The following MAF variants were observed in gnomAD, a reference collection of about 807,000 sequenced individuals.
MAF encodes the protein transcription factor Maf.
In MAF, 10 loss-of-function variants were observed where a neutral mutation model predicts 22.0. The observed-to-expected ratio is 0.45, with a 90% CI of 0.28 to 0.77. The LOEUF (loss-of-function observed/expected upper bound fraction) is 0.77. MAF is among the 30% of genes least tolerant of loss of function. The pLI is 0.12. For synonymous variants in MAF, 337 were observed against 255.8 expected, an observed-to-expected ratio of 1.32 and a Z score of -3.03; for missense variants, 544 against 548.4, an observed-to-expected ratio of 0.99 and a Z score of 0.08.
chr16:79,532,020 T>C, the MAF span, among the ~76,000 whole-genome samples: 1 of 152,204 alleles, frequency 6.6e-6, no homozygotes, highest in Non-Finnish European at 1.5e-5. Flanking sequence ...GAATACCCAG[T>C]CCAGTTTGAA....
chr16:79,340,680 C>T, the MAF span, among the ~76,000 whole-genome samples: 6 of 151,848 alleles, frequency 4.0e-5, no homozygotes, highest in East Asian at 2.0e-4. Context: ...AGGGAGACAT[C>T]GAGTATCTTG....
the MAF span, among the ~76,000 whole-genome samples, chr16:79,311,512 A>C: frequency 1.1e-4 from 16 of 149,386 alleles, no homozygotes; most frequent in Non-Finnish European, 2.2e-4. Context: ...AAAAAAAAAA[A>C]AAACATTATG....
At chr16:79,448,239 C>A in the MAF span, among the ~76,000 whole-genome samples, 4 of 152,084 alleles carry the variant, frequency 2.6e-5, no homozygotes, top group Non-Finnish European at 5.9e-5. Context: ...TCATTGTCGT[C>A]CTATTGTAAG....
the MAF span, among the ~76,000 whole-genome samples, chr16:79,566,667 C>G: frequency 6.6e-6 from 1 of 152,206 alleles, no homozygotes; most frequent in African/African-American, 2.4e-5. Flanking sequence ...CCCCCATCCC[C>G]CAGCCTGAGT....
At chr16:79,474,268 G>T in the MAF span, among the ~76,000 whole-genome samples, 1 of 152,132 alleles carries the variant, frequency 6.6e-6, no homozygotes, top group Non-Finnish European at 1.5e-5. Flanking sequence ...TTTTGTATTC[G>T]CCTCTTTGGG....
the MAF span, among the ~76,000 whole-genome samples, chr16:79,213,398 T>TGAAA: frequency 1.1e-4 from 16 of 152,214 alleles, no homozygotes; most frequent in Admixed American, 3.3e-4. Context: ...ACAGGACCTT[T>TGAAA]GAAACTATGA....
the MAF span, among the ~76,000 whole-genome samples, chr16:79,530,567 A>G: frequency 3.3e-5 from 5 of 152,232 alleles, no homozygotes; most frequent in Non-Finnish European, 5.9e-5. Flanking sequence ...AGGCATTTAC[A>G]TAAATAGGAA....
chr16:79,224,437 T>G, the MAF span, among the ~76,000 whole-genome samples: 16 of 152,210 alleles, frequency 1.1e-4, no homozygotes, highest in Non-Finnish European at 1.5e-5. Flanking sequence ...GCATGCCTTT[T>G]GAAAACCTGC....
the MAF span, among the ~76,000 whole-genome samples, chr16:79,209,351 A>G: frequency 6.6e-6 from 1 of 152,238 alleles, no homozygotes; most frequent in Non-Finnish European, 1.5e-5. Context: ...TGGTATCATT[A>G]CAGTAGGTCA....
the MAF span, among the ~76,000 whole-genome samples, chr16:79,268,292 G>A: frequency 6.6e-6 from 1 of 152,084 alleles, no homozygotes; most frequent in African/African-American, 2.4e-5. Context: ...CTCAGCCTGA[G>A]GGTTATGATC....
the MAF span, among the ~76,000 whole-genome samples, chr16:79,333,869 C>T: frequency 6.6e-6 from 1 of 152,092 alleles, no homozygotes; most frequent in Non-Finnish European, 1.5e-5. Context: ...ATCCCAACAC[C>T]TCACCTGGAT....
the MAF span, among the ~76,000 whole-genome samples, chr16:79,437,144 C>CTG: frequency 8.9e-3 from 753 of 84,952 alleles, 5 homozygotes; most frequent in Middle Eastern, 0.018. Context: ...CTCTCTCTCT[C>CTG]TCTGTGTGTG....
At chr16:79,213,262 C>G in the MAF span, among the ~76,000 whole-genome samples, 1 of 152,004 alleles carries the variant, frequency 6.6e-6, no homozygotes, top group Non-Finnish European at 1.5e-5. Context: ...ATGTCTTGAA[C>G]TTCTGTGCCT....
At chr16:79,559,993 C>T in the MAF span, among the ~76,000 whole-genome samples, 1 of 152,148 alleles carries the variant, frequency 6.6e-6, no homozygotes, top group Non-Finnish European at 1.5e-5. Context: ...AGCTGTGAAC[C>T]TCTGGGGCTC....
At chr16:79,474,607 G>T in the MAF span, among the ~76,000 whole-genome samples, 1 of 152,134 alleles carries the variant, frequency 6.6e-6, no homozygotes, top group South Asian at 2.1e-4. Flanking sequence ...AATATAAATG[G>T]GTTCAAATCA....
the MAF span, among the ~76,000 whole-genome samples, chr16:79,223,565 A>G: frequency 6.6e-6 from 1 of 152,234 alleles, no homozygotes; most frequent in Non-Finnish European, 1.5e-5. Context: ...AAAATCAATG[A>G]ATCCAGAAAC....
At chr16:79,477,771 C>A in the MAF span, among the ~76,000 whole-genome samples, 1 of 152,040 alleles carries the variant, frequency 6.6e-6, no homozygotes, top group Non-Finnish European at 1.5e-5. Flanking sequence ...GTTGCCCAGG[C>A]TGGAGTGCAG....
the MAF span, among the ~76,000 whole-genome samples, chr16:79,490,751 T>G: frequency 1.3e-5 from 2 of 152,176 alleles, no homozygotes; most frequent in Admixed American, 1.3e-4. Context: ...AGATAAATAT[T>G]TGTTTTGTAC....
the MAF span, among the ~76,000 whole-genome samples, chr16:79,473,946 T>G: frequency 6.6e-6 from 1 of 152,152 alleles, no homozygotes; most frequent in South Asian, 2.1e-4. Flanking sequence ...GGTTATGGTT[T>G]ATAAAGTGGT....
Sources: gnomAD v4.1 joint callset for allele counts (sites outside exome capture counted in the v4.1 genomes callset) on GRCh38, gnomAD v4.1.1 for gene constraint, MANE v1.5 for transcripts, NCBI Gene and HGNC (gene_info 2026-07-23, HGNC 2026-07-21) for gene names.